L1TD1: variants seen among roughly 807,000 people sequenced by gnomAD.
The protein encoded by L1TD1 is LINE-1 type transposase domain-containing protein 1.
A neutral mutation model predicts 25.7 loss-of-function variants in L1TD1; 26 were observed. The observed-to-expected ratio is 1.01, with a 90% CI of 0.74 to 1.40. The LOEUF is 1.40. Among genes scored for constraint, L1TD1 ranks in the 40% most tolerant of loss-of-function variants. The pLI is 0.00. For synonymous variants in L1TD1, 421 were observed against 335.6 expected, an observed-to-expected ratio of 1.25 and a Z score of -2.78; for missense variants, 1,130 against 975.0, an observed-to-expected ratio of 1.16 and a Z score of -2.12.
intron 2 of L1TD1, among the ~76,000 whole-genome samples, chr1:62,198,478 A>G (rs1670585063): frequency 6.6e-6 from 1 of 151,594 alleles, no homozygotes; most frequent in African/African-American, 2.4e-5. Flanking sequence ...AGAGAAGTCC[A>G]TAATCCCCCC....
intron 2 of L1TD1, among the ~76,000 whole-genome samples, chr1:62,197,885 GAAAACAAAAC>G (rs140732082): frequency 0.13 from 19,077 of 151,366 alleles, 1,455 homozygotes; most frequent in Non-Finnish European, 0.16. Context: ...AAAAACAGAA[GAAAACAAAAC>G]AAAACAAAAC....
rs138610756 is a variant in L1TD1 at position 62,206,745 on chromosome 1, G to A, written c.117G>A (p.Pro39=). 5.6e-5 allele frequency: 87 copies of A among 1,552,176 alleles called. No individual in the cohort carries two copies. The highest frequency in any genetic ancestry group is 1.5e-4 in the East Asian group (6 of 40,948). Reference sequence around the variant, plus strand: ...CAGAAACTGATAAGGACATAGCTCCGGTATTAGATTTAAAATGCAAGGACG... The same window carrying A: ...CAGAAACTGATAAGGACATAGCTCCAGTATTAGATTTAAAATGCAAGGACG... ...QLTETDKDIA[P]VLDLKCKDVS... The change falls in exon 3 of 4, where the codon CCG becomes CCA. Residue 39 remains proline, a synonymous_variant. Coordinates refer to ENST00000498273, the MANE Select transcript of L1TD1 (RefSeq NM_019079.5).
chr1:62,211,647 C>T lies in L1TD1; in HGVS notation c.*275C>T, dbSNP rs148781375. ...TTACTTCCCCCCCACCACCTCCCTA[C>T]TGCAGTTGACTAGTCTTTTTAGAAT... On this transcript the variant is annotated 3_prime_UTR_variant, in exon 4 of 4. Transcript: ENST00000498273. The T allele has an allele frequency of 1.5e-3, 463 of 305,008 alleles. 3 individuals carry two copies. The highest frequency in any genetic ancestry group is 9.6e-3 in the African/African-American group (444 of 46,032). The allele number at this position is 305,008 out of a possible 1,614,324, so 18.9% of individuals were successfully genotyped here. A position where few individuals can be genotyped will look rare whatever the true frequency, so the allele number is the denominator to read the frequency against.
intron 3 of L1TD1, chr1:62,208,081 CT>C (rs78001503): frequency 7.8e-5 from 12 of 153,172 alleles, no homozygotes; most frequent in Non-Finnish European, 1.2e-4. Context: ...TTAAAGGGCA[CT>C]TTTTTTTTCT....
At chr1:62,199,947 T>A (rs992188577) in intron 2 of L1TD1, among the ~76,000 whole-genome samples, 1 of 152,182 alleles carries the variant, frequency 6.6e-6, no homozygotes, top group Non-Finnish European at 1.5e-5. Context: ...TTTTTGTGTT[T>A]ACTGTACATA....
chr1:62,195,853 A>AC (rs1413106756), intron 1 of L1TD1, among the ~76,000 whole-genome samples: 1 of 32,026 alleles, frequency 3.1e-5, no homozygotes, highest in Non-Finnish European at 5.4e-5. Flanking sequence ...ATCCTGGCCA[A>AC]CTTGGGAAAC....
chr1:62,211,426 A>G lies in L1TD1; in HGVS notation c.*54A>G. 2 of 1,521,180 alleles carry G rather than the reference A, an allele frequency of 1.3e-6. No individual in the cohort carries two copies. The highest frequency in any genetic ancestry group is 1.8e-6 in the Non-Finnish European group (2 of 1,140,116). The allele number at this position is 1,521,180 out of a possible 1,614,324, so 94.2% of individuals were successfully genotyped here. A position where few individuals can be genotyped will look rare whatever the true frequency, so the allele number is the denominator to read the frequency against. On this transcript the variant is annotated 3_prime_UTR_variant, in exon 4 of 4. Transcript: ENST00000498273. ...TTTCCTCCCCCAGCATGCATCCAAA[A>G]ATCAACAAGTAAAACGAAAATACAC...
rs559418960 is a variant in L1TD1 at position 62,211,566 on chromosome 1, C to T, written c.*194C>T. On this transcript the variant is annotated 3_prime_UTR_variant, in exon 4 of 4. Transcript: ENST00000498273. ...ATGTTTAAAAAAAATAGGCTGGTCTCAATGTAGTGAGTTATTTCAGTTGAT... is the reference window on the plus strand; with the variant it reads ...ATGTTTAAAAAAAATAGGCTGGTCTTAATGTAGTGAGTTATTTCAGTTGAT... 239 of 854,816 alleles carry T rather than the reference C, an allele frequency of 2.8e-4. No homozygotes were observed. The highest frequency in any genetic ancestry group is 3.8e-4 in the Non-Finnish European group (228 of 607,854). The allele number at this position is 854,816 out of a possible 1,614,324, so 53.0% of individuals were successfully genotyped here.
intron 2 of L1TD1, among the ~76,000 whole-genome samples, chr1:62,201,691 T>C (rs1182428554): frequency 3.3e-5 from 5 of 152,116 alleles, no homozygotes; most frequent in Non-Finnish European, 1.5e-5. Context: ...TCTTATAAAA[T>C]AAGGAGACTT....
In L1TD1 at chr1:62,211,658, T is replaced by A. The variant is rs1570934024; in HGVS notation, c.*286T>A. ...CCACCACCTCCCTACTGCAGTTGAC[T>A]AGTCTTTTTAGAATTTATATTATCT... On this transcript the variant is annotated 3_prime_UTR_variant, in exon 4 of 4. Coordinates refer to ENST00000498273, the MANE Select transcript of L1TD1 (RefSeq NM_019079.5). 1 of 258,192 alleles carries A rather than the reference T, an allele frequency of 3.9e-6. No individual in the cohort carries two copies. Among genetic ancestry groups the A allele is most frequent in the Admixed American group, 5.0e-5 (1 of 20,078 alleles). 16.0% of individuals were successfully genotyped at this position (258,192 alleles called of 1,614,324 possible).
intron 2 of L1TD1, among the ~76,000 whole-genome samples, chr1:62,205,260 G>A (rs1032687309): frequency 1.3e-5 from 2 of 151,058 alleles, no homozygotes; most frequent in African/African-American, 4.9e-5. Flanking sequence ...ATTGCTTAAA[G>A]CTGGGAGGCG....
chr1:62,201,274 ATTGTTATCAGAAAAAT>A (rs1395422723), intron 2 of L1TD1, among the ~76,000 whole-genome samples: 1 of 152,106 alleles, frequency 6.6e-6, no homozygotes, highest in African/African-American at 2.4e-5. Context: ...TAAAGGCACA[ATTGTTATCAGAAAAAT>A]TTGTCCTTAT....
chr1:62,199,845 C>T (rs1213661847), intron 2 of L1TD1, among the ~76,000 whole-genome samples: 1 of 152,138 alleles, frequency 6.6e-6, no homozygotes, highest in Non-Finnish European at 1.5e-5. Context: ...ATGAATGTGG[C>T]CAGGGTGGAT....
rs181507001 is a variant in L1TD1, at chr1:62,210,987, T to C, written c.2213T>C (p.Leu738Pro). ...NFAELKKGSSLEIVSACRVPS... is the reference protein window; with the variant it reads ...NFAELKKGSSPEIVSACRVPS... ...GCAGAACTAAAGAAAGGTTCAAGTC[T>C]TGAGATTGTCAGTGCTTGTCGAGTA... is the stretch of plus-strand genomic sequence containing the variant. The change falls in exon 4 of 4, where the codon CTT becomes CCT. Residue 738 changes from leucine to proline, a missense_variant. Transcript: ENST00000498273. 5.1e-4 allele frequency: 791 copies of C among 1,546,292 alleles called. 6 individuals are homozygous for C. The African/African-American group carries it at 9.7e-3, about 19-fold the overall frequency.
intron 1 of L1TD1, among the ~76,000 whole-genome samples, chr1:62,196,159 G>C (rs895206565): frequency 6.6e-6 from 1 of 152,136 alleles, no homozygotes; most frequent in Non-Finnish European, 1.5e-5. Flanking sequence ...AATTGCAAAA[G>C]GAAAGCGTGC....
At position 62,212,160 on chromosome 1, in the gene L1TD1, T is replaced by G. The variant is rs557526299; in HGVS notation, c.*788T>G. The G allele has an allele frequency of 6.6e-6, 1 of 152,076 alleles. No individual in the cohort carries two copies. The highest frequency in any genetic ancestry group is 2.4e-5 in the African/African-American group (1 of 41,398). 9.4% of individuals were successfully genotyped at this position (152,076 alleles called of 1,614,324 possible). A position where few individuals can be genotyped will look rare whatever the true frequency, so the allele number is the denominator to read the frequency against. On this transcript the variant is annotated 3_prime_UTR_variant, in exon 4 of 4. Transcript: ENST00000498273. ...CCTCATACCTGTAATCCCAGCAGTT[T>G]AGGGGGCCAAGGCAGGTGGGTCACT...
chr1:62,196,272 G>T (rs984340084), intron 1 of L1TD1, among the ~76,000 whole-genome samples, 163 bp from the exon 2 acceptor site: 12 of 152,074 alleles, frequency 7.9e-5, no homozygotes, highest in Non-Finnish European at 1.8e-4. Context: ...ATTCCCTGCA[G>T]CCCTCTCCCG....
rs920423828 is a variant in L1TD1, at chr1:62,207,308, T to A, written c.680T>A (p.Leu227Ter). 2 of 1,550,632 alleles carry A rather than the reference T, an allele frequency of 1.3e-6. No homozygotes were observed. The highest frequency in any genetic ancestry group is 2.0e-5 in the Admixed American group (1 of 50,750). Residue 227 changes from leucine to a stop codon, truncating the protein, a stop_gained, in exon 3 of 4, where the codon TTA becomes TAA. Coordinates refer to ENST00000498273, the MANE Select transcript of L1TD1 (RefSeq NM_019079.5). LOFTEE classifies it high-confidence loss of function. The stretch of plus-strand genomic sequence containing the variant: ...AAATTGAAGAATAAAGAGGAGGTTT[T>A]AAAAGCCTCCAGAGAAGAAAAAGTG... ...FQKLKNKEEVLKASREEKVLM... is the reference protein window; with the variant it reads ...FQKLKNKEEV
At chr1:62,204,618 G>A (rs74486511) in intron 2 of L1TD1, among the ~76,000 whole-genome samples, 2,160 of 152,238 alleles carry the variant, frequency 0.014, 49 homozygotes, top group African/African-American at 0.049. Flanking sequence ...TGCCCAGGCT[G>A]ATGTTGAACT....
Sources: gnomAD v4.1 joint callset for allele counts (sites outside exome capture counted in the v4.1 genomes callset) on GRCh38, gnomAD v4.1.1 for gene constraint, MANE v1.5 for transcripts, NCBI Gene and HGNC (gene_info 2026-07-23, HGNC 2026-07-21) for gene names.